The following TNFRSF10D variants were observed in gnomAD, a reference collection of about 807,000 sequenced individuals.
TNFRSF10D encodes TNF receptor superfamily member 10d, also known as tumor necrosis factor receptor superfamily member 10D.
In TNFRSF10D, 28 loss-of-function variants were observed where a neutral mutation model predicts 42.1. That is an observed-to-expected ratio of 0.66 (90% CI 0.49 to 0.91). The LOEUF is 0.91. Ranked by LOEUF, TNFRSF10D falls within the 40% of genes least tolerant of loss-of-function variation. TNFRSF10D has a pLI of 0.00. For missense variants in TNFRSF10D, 503 were observed against 486.1 expected (o/e 1.03, Z -0.33); for synonymous variants, 186 against 189.4 (o/e 0.98, Z 0.15).
chr8:23,150,086 A>G (rs1294063383), intron 2 of TNFRSF10D, among the ~76,000 whole-genome samples: 1 of 152,212 alleles, frequency 6.6e-6, no homozygotes, highest in Non-Finnish European at 1.5e-5. Flanking sequence ...CTAAGATATC[A>G]GTCTTAGCTT....
At chr8:23,147,351 C>T (rs1183671853) in intron 3 of TNFRSF10D, among the ~76,000 whole-genome samples, 2 of 152,234 alleles carry the variant, frequency 1.3e-5, no homozygotes, top group South Asian at 2.1e-4. Flanking sequence ...AGGGCATCAC[C>T]TGAGAGACTC....
intron 2 of TNFRSF10D, among the ~76,000 whole-genome samples, chr8:23,151,631 G>A (rs1489768390): frequency 3.3e-5 from 5 of 151,968 alleles, no homozygotes; most frequent in South Asian, 2.1e-4. Flanking sequence ...ATAAAAAGAC[G>A]TAAATAATGA....
chr8:23,158,353 T>C (rs1156973718), intron 1 of TNFRSF10D, among the ~76,000 whole-genome samples: 2 of 152,198 alleles, frequency 1.3e-5, no homozygotes, highest in Admixed American at 6.5e-5. Context: ...ATCAACTTCA[T>C]GTGATACTGA....
rs552708348 is a variant in TNFRSF10D at position 23,136,434 on chromosome 8, A to G, written c.*1436T>C. On this transcript the variant is annotated 3_prime_UTR_variant, in exon 9 of 9. Transcript: ENST00000312584. ...ATCCCAGGGACTCAGTTCACAGACC[A>G]CCAGAAGCGAGAGGGGCCCATCCAT... 40 of 179,068 alleles carry G rather than the reference A, an allele frequency of 2.2e-4. No homozygotes were observed. The highest frequency in any genetic ancestry group is 6.7e-4 in the Admixed American group (11 of 16,372). The allele number at this position is 179,068 out of a possible 1,614,324, so 11.1% of individuals were successfully genotyped here.
In TNFRSF10D at chr8:23,146,310, C is replaced by T. The variant is rs11998514; in HGVS notation, c.483-389G>A. Among the ~76,000 whole-genome samples, 431 of 152,326 alleles carry T rather than the reference C, an allele frequency of 2.8e-3. 1 individual carries two copies. The highest frequency in any genetic ancestry group is 1.0e-2 in the African/African-American group (415 of 41,566). ...ACAGTACAAGTGAGTCCTCGCCCCA[C>T]CCTGTCTGCCGCTGGTTCCTCCCAA... On this transcript the variant is annotated intron_variant, in intron 4 of 8. Transcript: ENST00000312584.
chr8:23,147,640 A>T (rs781479805), intron 3 of TNFRSF10D, among the ~76,000 whole-genome samples: 2 of 152,148 alleles, frequency 1.3e-5, no homozygotes, highest in African/African-American at 2.4e-5. Context: ...TACAGAAAAG[A>T]TTTTGGCCAG....
At position 23,144,594 on chromosome 8, in the gene TNFRSF10D, C is replaced by G. The variant is rs35763670; in HGVS notation, c.810G>C (p.Gly270=). Residue 270 remains glycine, a synonymous_variant, in exon 7 of 9, where the codon GGG becomes GGC. Coordinates refer to ENST00000312584, the MANE Select transcript of TNFRSF10D (RefSeq NM_003840.5). ...TCTCGTTGCGGGCATTGTCCTCCGCCCCAGGAACTCGTGAAGGACATGAAC... is the reference window on the plus strand; with the variant it reads ...TCTCGTTGCGGGCATTGTCCTCCGCGCCAGGAACTCGTGAAGGACATGAAC... ...RRRSCPSRVP[G]AEDNARNETL... 1 of 1,614,020 alleles carries G rather than the reference C, an allele frequency of 6.2e-7. No homozygotes were observed. Among genetic ancestry groups the G allele is most frequent in the African/African-American group, 1.3e-5 (1 of 74,908 alleles).
intron 3 of TNFRSF10D, among the ~76,000 whole-genome samples, chr8:23,148,195 T>G (rs7387507): frequency 2.6e-5 from 4 of 151,442 alleles, no homozygotes; most frequent in African/African-American, 9.7e-5. Flanking sequence ...GCCAAGATCA[T>G]GCCATTGCCC....
intron 7 of TNFRSF10D, among the ~76,000 whole-genome samples, chr8:23,142,586 G>A (rs1800045805): frequency 6.6e-6 from 1 of 152,128 alleles, no homozygotes; most frequent in Admixed American, 6.6e-5. Flanking sequence ...ATAGACACTG[G>A]GGACTACCAG....
At position 23,137,762 on chromosome 8, in the gene TNFRSF10D, A is replaced by G; in HGVS notation, c.*108T>C. Reference sequence around the variant, plus strand: ...GGTAAGCTGCCCCATATTGGATAGTAGAGTTTGTTGGGGCATGGGTCAAGT... The same window carrying G: ...GGTAAGCTGCCCCATATTGGATAGTGGAGTTTGTTGGGGCATGGGTCAAGT... On this transcript the variant is annotated 3_prime_UTR_variant, in exon 9 of 9. Coordinates refer to ENST00000312584, the MANE Select transcript of TNFRSF10D (RefSeq NM_003840.5). 7.1e-7 allele frequency: 1 copy of G among 1,416,716 alleles called. No homozygotes were observed. The highest frequency in any genetic ancestry group is 9.5e-7 in the Non-Finnish European group (1 of 1,048,372). The allele number at this position is 1,416,716 out of a possible 1,614,324, so 87.8% of individuals were successfully genotyped here. A position where few individuals can be genotyped will look rare whatever the true frequency, so the allele number is the denominator to read the frequency against.
chr8:23,145,133 G>A, intron 5 of TNFRSF10D, 44 bp from the exon 6 acceptor site: 1 of 1,612,180 alleles, frequency 6.2e-7, no homozygotes, highest in South Asian at 1.1e-5. Context: ...AGGGGCCCAT[G>A]CAGCACCTCC....
intron 1 of TNFRSF10D, among the ~76,000 whole-genome samples, chr8:23,160,359 AGC>A (rs1800348653): frequency 1.3e-5 from 2 of 152,144 alleles, no homozygotes; most frequent in South Asian, 4.1e-4. Flanking sequence ...GACTCCGAAG[AGC>A]CCTGTGGACT....
At chr8:23,144,662 G>T (rs771909171) in intron 6 of TNFRSF10D, 27 bp from the exon 7 acceptor site, 1 of 1,604,334 alleles carries the variant, frequency 6.2e-7, no homozygotes, top group Admixed American at 1.7e-5. Flanking sequence ...GCCCACTCAA[G>T]TCCACACCCC....
chr8:23,135,774 TA>T lies in TNFRSF10D; in HGVS notation c.*2095del. 1 of 403,356 alleles carries T rather than the reference TA, an allele frequency of 2.5e-6. No individual in the cohort carries two copies. Among genetic ancestry groups the T allele is most frequent in the East Asian group, 7.2e-5 (1 of 13,846 alleles). 25.0% of individuals were successfully genotyped at this position (403,356 alleles called of 1,614,324 possible). On this transcript the variant is annotated 3_prime_UTR_variant, in exon 9 of 9. Transcript: ENST00000312584. ...TTAAAGGAATAAGCTTAAACACTGA[TA>T]AGGCTGGTAGTCTAGATGCATCTTC...
chr8:23,147,658 G>A (rs980599395), intron 3 of TNFRSF10D, among the ~76,000 whole-genome samples: 1 of 152,128 alleles, frequency 6.6e-6, no homozygotes, highest in African/African-American at 2.4e-5. Flanking sequence ...CAGGCGCAGT[G>A]GCTCACACCT....
intron 7 of TNFRSF10D, 33 bp downstream of exon 7, chr8:23,144,417 C>G (rs373922285): frequency 6.2e-6 from 10 of 1,602,310 alleles, no homozygotes; most frequent in South Asian, 4.5e-5. Context: ...GCAGGCTGCA[C>G]GCCAGGCAGG....
intron 2 of TNFRSF10D, among the ~76,000 whole-genome samples, chr8:23,150,602 A>G (rs1048840745): frequency 1.3e-5 from 2 of 152,272 alleles, no homozygotes; most frequent in Non-Finnish European, 2.9e-5. Context: ...GAAAACAGTC[A>G]TCTTACAGAA....
In TNFRSF10D at chr8:23,137,596, C is replaced by T. The variant is rs1186146377; in HGVS notation, c.*274G>A. The T allele has an allele frequency of 1.4e-5, 4 of 291,644 alleles. No individual in the cohort carries two copies. Among genetic ancestry groups the T allele is most frequent in the African/African-American group, 8.7e-5 (4 of 45,988 alleles). 18.1% of individuals were successfully genotyped at this position (291,644 alleles called of 1,614,324 possible). A position where few individuals can be genotyped will look rare whatever the true frequency, so the allele number is the denominator to read the frequency against. ...CTGGGATTACAGGCATGAGCCACCG[C>T]ATGTGGCCTAAAACGACCCTTAATA... On this transcript the variant is annotated 3_prime_UTR_variant, in exon 9 of 9. Coordinates refer to ENST00000312584, the MANE Select transcript of TNFRSF10D (RefSeq NM_003840.5).
chr8:23,156,714 A>T lies in TNFRSF10D; in HGVS notation c.151-1735T>A, dbSNP rs147237036. 2.3e-3 allele frequency among the ~76,000 whole-genome samples: 354 copies of T among 152,164 alleles called. 3 individuals carry two copies. Among genetic ancestry groups the T allele is most frequent in the African/African-American group, 8.1e-3 (335 of 41,494 alleles). ...AAGTGGCCGGGACCACAGACAGGAGAGTGCCCCAATGCCTGGGCTAATATT... is the reference window on the plus strand; with the variant it reads ...AAGTGGCCGGGACCACAGACAGGAGTGTGCCCCAATGCCTGGGCTAATATT... On this transcript the variant is annotated intron_variant, in intron 1 of 8. Transcript: ENST00000312584.
Sources: gnomAD v4.1 joint callset for allele counts (sites outside exome capture counted in the v4.1 genomes callset) on GRCh38, gnomAD v4.1.1 for gene constraint, MANE v1.5 for transcripts, NCBI Gene and HGNC (gene_info 2026-07-23, HGNC 2026-07-21) for gene names.